TSTD2: variants seen among roughly 807,000 people sequenced by gnomAD.
TSTD2 encodes the protein thiosulfate sulfurtransferase like domain containing 2, also known as thiosulfate sulfurtransferase/rhodanese-like domain-containing protein 2.
A neutral mutation model predicts 47.9 loss-of-function variants in TSTD2; 37 were observed. The ratio of observed to expected loss-of-function variants is 0.77; its 90% CI spans 0.59 to 1.02. TSTD2 has a LOEUF of 1.02. TSTD2 is among the 50% of genes least tolerant of loss of function. The pLI is 0.00. For missense variants in TSTD2, 586 were observed against 616.0 expected (o/e 0.95, Z 0.52); for synonymous variants, 201 against 215.9 (o/e 0.93, Z 0.61).
At chr9:97,614,475 C>A (rs1020285358) in intron 4 of TSTD2, among the ~76,000 whole-genome samples, 12 of 151,992 alleles carry the variant, frequency 7.9e-5, no homozygotes, top group African/African-American at 2.9e-4. Context: ...CAATTAAGAC[C>A]AAAATTCCTG....
rs1336776098 is a variant in TSTD2 at position 97,610,295 on chromosome 9, T to C, written c.835+51A>G. 9 of 1,502,036 alleles carry C rather than the reference T, an allele frequency of 6.0e-6. No homozygotes were observed. The Admixed American group carries it at 7.6e-5, about 13-fold the overall frequency. The allele number at this position is 1,502,036 out of a possible 1,614,324, so 93.0% of individuals were successfully genotyped here. ...AGTGCCTAGCTTTCTTATTTGTCTATTAAGTTTTGTCCCTGTGAATTAAAG... is the reference window on the plus strand; with the variant it reads ...AGTGCCTAGCTTTCTTATTTGTCTACTAAGTTTTGTCCCTGTGAATTAAAG... On this transcript the variant is annotated intron_variant, in intron 6 of 9. Transcript: ENST00000341170.
At chr9:97,614,119 C>T (rs559574065) in intron 4 of TSTD2, among the ~76,000 whole-genome samples, 1 of 152,292 alleles carries the variant, frequency 6.6e-6, no homozygotes, top group African/African-American at 2.4e-5. Context: ...TGAACCATCG[C>T]ACCCAGCCCT....
At chr9:97,610,533 G>T in intron 5 of TSTD2, 82 bp from the exon 6 acceptor site, 1 of 1,044,134 alleles carries the variant, frequency 9.6e-7, no homozygotes, top group Non-Finnish European at 1.3e-6. Flanking sequence ...AAGAATGATG[G>T]TCTGTTTTGT....
In TSTD2 at chr9:97,628,297, T is replaced by A. The variant is rs546055926; in HGVS notation, c.-50-685A>T. On this transcript the variant is annotated intron_variant, in intron 1 of 9. Coordinates refer to ENST00000341170, the MANE Select transcript of TSTD2 (RefSeq NM_139246.5). ...AACCATCATACCATGTTGGTTCTTTTGTAAAGCAAAGGTGACAGGTGACAA... is the reference window on the plus strand; with the variant it reads ...AACCATCATACCATGTTGGTTCTTTAGTAAAGCAAAGGTGACAGGTGACAA... Among the ~76,000 whole-genome samples, 320 of 152,306 alleles carry A rather than the reference T, an allele frequency of 2.1e-3. 1 individual carries two copies. The highest frequency in any genetic ancestry group is 4.1e-3 in the Non-Finnish European group (276 of 68,030).
At chr9:97,616,311 A>G (rs1826540559) in intron 4 of TSTD2, among the ~76,000 whole-genome samples, 2 of 152,236 alleles carry the variant, frequency 1.3e-5, no homozygotes, top group Non-Finnish European at 2.9e-5. Context: ...CAGGAACCTA[A>G]GGGCATTTTT....
intron 5 of TSTD2, 138 bp from the exon 6 acceptor site, chr9:97,610,589 A>G: frequency 1.9e-6 from 1 of 528,718 alleles, no homozygotes. Flanking sequence ...TAGGGCCCAG[A>G]ATGTTCCAGA....
chr9:97,622,641 G>T (rs897739660), intron 3 of TSTD2, among the ~76,000 whole-genome samples: 3 of 152,238 alleles, frequency 2.0e-5, no homozygotes, highest in Non-Finnish European at 2.9e-5. Context: ...AGTCAGGAGG[G>T]AGGCTATACC....
Position 97,604,793 on chromosome 9 carries a change from A to T in TSTD2, c.1186T>A (p.Tyr396Asn). 1 of 1,614,258 alleles carries T rather than the reference A, an allele frequency of 6.2e-7. No individual in the cohort carries two copies. Among genetic ancestry groups the T allele is most frequent in the Non-Finnish European group, 8.5e-7 (1 of 1,180,048 alleles). Reference sequence around the variant, plus strand: ...TCAAAAACAAACAACTTCCCTTTGTAAAAGCCATCAGGAAACTCTTCCAGG... The same window carrying T: ...TCAAAAACAAACAACTTCCCTTTGTTAAAGCCATCAGGAAACTCTTCCAGG... ...KYLEEFPDGF[Y>N]KGKLFVFDER... Residue 396 changes from tyrosine to asparagine, a missense_variant, in exon 9 of 10, where the codon TAC (tyrosine) becomes AAC (asparagine). By Grantham distance (143) the Tyr-to-Asn change is moderately radical (BLOSUM62 -2). Coordinates refer to ENST00000341170, the MANE Select transcript of TSTD2 (RefSeq NM_139246.5).
Position 97,608,294 on chromosome 9 carries a change from G to A in TSTD2, c.836-2033C>T, listed in dbSNP as rs7851371. ...CTGCTATGATTGCAGTTGTTCTACT[G>A]GCCCTGAGAACGATTGTTTGGACAG... On this transcript the variant is annotated intron_variant, in intron 6 of 9. Coordinates refer to ENST00000341170, the MANE Select transcript of TSTD2 (RefSeq NM_139246.5). Among the ~76,000 whole-genome samples, 608 of 152,312 alleles carry A rather than the reference G, an allele frequency of 4.0e-3. 8 individuals are homozygous for A. Among genetic ancestry groups the A allele is most frequent in the African/African-American group, 0.013 (559 of 41,572 alleles).
At chr9:97,603,801 G>A (rs1043973072) in intron 9 of TSTD2, among the ~76,000 whole-genome samples, 2 of 152,162 alleles carry the variant, frequency 1.3e-5, no homozygotes, top group East Asian at 3.9e-4. Flanking sequence ...CCGGGCTCAA[G>A]CAATCCTCCT....
chr9:97,602,905 T>C (rs1393286656), intron 9 of TSTD2, 138 bp from the exon 10 acceptor site: 1 of 844,172 alleles, frequency 1.2e-6, no homozygotes, highest in Admixed American at 3.4e-5. Flanking sequence ...GTCTTCTGTC[T>C]TCTAGCAACA....
intron 6 of TSTD2, among the ~76,000 whole-genome samples, chr9:97,607,936 C>T (rs912573318): frequency 6.6e-6 from 1 of 152,130 alleles, no homozygotes; most frequent in Non-Finnish European, 1.5e-5. Flanking sequence ...AATCCCAGCA[C>T]TTTGGGAAGC....
At chr9:97,622,135 G>T (rs961804688) in intron 3 of TSTD2, among the ~76,000 whole-genome samples, 18 of 152,208 alleles carry the variant, frequency 1.2e-4, no homozygotes, top group Admixed American at 3.3e-4. Context: ...ATGCCTGAGG[G>T]TCTAGGAGGA....
At position 97,612,390 on chromosome 9, in the gene TSTD2, G is replaced by A. The variant is rs936382587; in HGVS notation, c.604-691C>T. Among the ~76,000 whole-genome samples, 3 of 152,204 alleles carry A rather than the reference G, an allele frequency of 2.0e-5. No individual in the cohort carries two copies. In the South Asian group the frequency reaches 6.2e-4, roughly 32 times the overall value. On this transcript the variant is annotated intron_variant, in intron 4 of 9. Coordinates refer to ENST00000341170, the MANE Select transcript of TSTD2 (RefSeq NM_139246.5). ...AATGGGATTGCTGGGTCGAATGATAGTTCTGTCTTTAGGTCTTTGAGGAAT... is the reference window on the plus strand; with the variant it reads ...AATGGGATTGCTGGGTCGAATGATAATTCTGTCTTTAGGTCTTTGAGGAAT...
chr9:97,609,725 G>T (rs1348203022), intron 6 of TSTD2, among the ~76,000 whole-genome samples: 1 of 152,132 alleles, frequency 6.6e-6, no homozygotes, highest in African/African-American at 2.4e-5. Context: ...CTGACATTGG[G>T]GTTGCTTTCA....
chr9:97,627,350 T>C (rs1826738800), intron 2 of TSTD2, 48 bp downstream of exon 2: 7 of 1,516,372 alleles, frequency 4.6e-6, no homozygotes, highest in Non-Finnish European at 6.2e-6. Flanking sequence ...CAAATGTATC[T>C]GCGTTAACCA....
intron 1 of TSTD2, 130 bp from the exon 2 acceptor site, chr9:97,627,742 C>T (rs1826744956): frequency 3.7e-6 from 2 of 540,554 alleles, no homozygotes; most frequent in South Asian, 2.8e-5. Context: ...CTTACTAAAT[C>T]AATAGTATTT....
chr9:97,604,511 G>A (rs1350208957), intron 9 of TSTD2: 4 of 587,150 alleles, frequency 6.8e-6, no homozygotes. Flanking sequence ...AGCTAGCAAT[G>A]GTGAAGCCAG....
chr9:97,614,767 G>T (rs557234884), intron 4 of TSTD2, among the ~76,000 whole-genome samples: 1 of 152,176 alleles, frequency 6.6e-6, no homozygotes, highest in African/African-American at 2.4e-5. Flanking sequence ...ACACCTCTAC[G>T]TATAGTACTG....
Sources: gnomAD v4.1 joint callset for allele counts (sites outside exome capture counted in the v4.1 genomes callset) on GRCh38, gnomAD v4.1.1 for gene constraint, MANE v1.5 for transcripts, NCBI Gene and HGNC (gene_info 2026-07-23, HGNC 2026-07-21) for gene names.